Variants in TRAK1 observed in about 807,000 individuals in gnomAD.
TRAK1 encodes trafficking kinesin protein 1.
In TRAK1, 33 loss-of-function variants were observed where a neutral mutation model predicts 92.1. The ratio of observed to expected loss-of-function variants is 0.36; its 90% CI spans 0.27 to 0.48. TRAK1 has a LOEUF of 0.48. Among genes scored for constraint, TRAK1 ranks in the 20% least tolerant of loss-of-function variants. The pLI, the probability that TRAK1 is intolerant of heterozygous loss-of-function variation, is 0.99. For missense variants in TRAK1, 1,123 were observed against 1,257.9 expected (o/e 0.89, Z 1.62); for synonymous variants, 521 against 517.3 (o/e 1.01, Z -0.10).
chr3:42,150,493 T>C (rs1281635216), intron 2 of TRAK1, among the ~76,000 whole-genome samples: 1 of 152,072 alleles, frequency 6.6e-6, no homozygotes, highest in Non-Finnish European at 1.5e-5. Flanking sequence ...TATATACACT[T>C]TGAGGGTCTG....
At chr3:42,076,369 G>C (rs531106815) in intron 1 of TRAK1, among the ~76,000 whole-genome samples, 1 of 151,306 alleles carries the variant, frequency 6.6e-6, no homozygotes, top group South Asian at 2.1e-4. Flanking sequence ...GGGTTTACAG[G>C]TGCTCGCCAC....
At chr3:42,116,176 C>A (rs1390918061) in intron 1 of TRAK1, among the ~76,000 whole-genome samples, 1 of 152,260 alleles carries the variant, frequency 6.6e-6, no homozygotes, top group Non-Finnish European at 1.5e-5. Flanking sequence ...AGGCCTCTTG[C>A]ATGGTGGGAC....
intron 2 of TRAK1, among the ~76,000 whole-genome samples, chr3:42,144,211 G>A (rs34873715): frequency 0.095 from 14,468 of 151,670 alleles, 891 homozygotes; most frequent in Non-Finnish European, 0.14. Context: ...TTCCCTAATT[G>A]TAGCTTAGGA....
rs768056070 is a variant in TRAK1 at position 42,223,590 on chromosome 3, C to T, written c.2715C>T (p.Ile905=). ...PLRCPTVTSA[I]GGLQLNSGIR... is the part of the protein sequence containing the mutation. ...GATGCCCCACTGTCACCAGTGCCAT[C>T]GGTGGGCTGCAGCTCAATAGTGGCA... Residue 905 remains isoleucine, a synonymous_variant, in exon 16 of 16, where the codon ATC becomes ATT. Transcript: ENST00000327628. This position sits in a 1 kb window ranked among gnomAD's most constrained non-coding sequence, Gnocchi z 6.1. 40 of 1,613,828 alleles carry T rather than the reference C, an allele frequency of 2.5e-5. No individual in the cohort carries two copies. The highest frequency in any genetic ancestry group is 5.0e-5 in the Admixed American group (3 of 59,990).
At chr3:42,134,281 T>C (rs1241561204) in intron 2 of TRAK1, among the ~76,000 whole-genome samples, 3 of 147,352 alleles carry the variant, frequency 2.0e-5, no homozygotes, top group Admixed American at 6.8e-5. Flanking sequence ...CCTTTCCTTT[T>C]ACCTTACCTT....
At chr3:42,052,587 A>G (rs1284353263) in intron 1 of TRAK1, among the ~76,000 whole-genome samples, 2 of 152,182 alleles carry the variant, frequency 1.3e-5, no homozygotes, top group Non-Finnish European at 2.9e-5. Flanking sequence ...AGCAAAAAGC[A>G]TGATTCAGTC....
chr3:42,124,522 C>T (rs1710308795), intron 1 of TRAK1, among the ~76,000 whole-genome samples: 1 of 152,170 alleles, frequency 6.6e-6, no homozygotes, highest in African/African-American at 2.4e-5. Context: ...ATTTTAAAGG[C>T]CTGCATTAAT....
intron 2 of TRAK1, among the ~76,000 whole-genome samples, chr3:42,142,987 C>T (rs1197542857): frequency 6.6e-6 from 1 of 152,164 alleles, no homozygotes; most frequent in Admixed American, 6.5e-5. Flanking sequence ...GCAGGTCCCT[C>T]TTGATTTTTC....
intron 1 of TRAK1, among the ~76,000 whole-genome samples, chr3:42,025,128 C>T (rs534145328): frequency 1.6e-4 from 25 of 152,184 alleles, no homozygotes; most frequent in Non-Finnish European, 2.1e-4. Flanking sequence ...AAAAACCTAA[C>T]TTCTTTGTTT....
rs143179424 is a variant in TRAK1, at chr3:42,201,684, G to A, written c.1427+630G>A. Among the ~76,000 whole-genome samples, 800 of 151,694 alleles carry A rather than the reference G, an allele frequency of 5.3e-3. 6 individuals are homozygous for A. Among genetic ancestry groups the A allele is most frequent in the African/African-American group, 0.018 (759 of 41,316 alleles). On this transcript the variant is annotated intron_variant, in intron 12 of 15. Coordinates refer to ENST00000327628, the MANE Select transcript of TRAK1 (RefSeq NM_001042646.3). The stretch of plus-strand genomic sequence containing the variant: ...CAGAATAGACATTTGTTTTGTGACC[G>A]TTTTGTAGCTTGATGTTGGAAAGGC...
chr3:42,056,084 T>C (rs1703194928), intron 1 of TRAK1, among the ~76,000 whole-genome samples: 1 of 152,244 alleles, frequency 6.6e-6, no homozygotes, highest in Admixed American at 6.5e-5. Flanking sequence ...CTTTCATTAG[T>C]TGGTAAACTT....
chr3:42,073,718 A>G (rs529139525), intron 1 of TRAK1, among the ~76,000 whole-genome samples: 2 of 152,238 alleles, frequency 1.3e-5, no homozygotes, highest in South Asian at 4.1e-4. Context: ...CCACCTGTTC[A>G]ACTTTTACAT....
At chr3:42,191,132 G>A (rs574227728) in intron 6 of TRAK1, among the ~76,000 whole-genome samples, 50 of 152,148 alleles carry the variant, frequency 3.3e-4, no homozygotes, top group Non-Finnish European at 5.4e-4. Context: ...CACATAGTAA[G>A]TGTTAGCCAT....
intron 1 of TRAK1, among the ~76,000 whole-genome samples, chr3:42,092,097 C>T (rs1479178044): frequency 6.6e-6 from 1 of 152,162 alleles, no homozygotes; most frequent in African/African-American, 2.4e-5. Context: ...TTCCACCCTC[C>T]CTTTCTTTTT....
At chr3:42,033,052 C>T (rs1179783632) in intron 1 of TRAK1, among the ~76,000 whole-genome samples, 6 of 152,146 alleles carry the variant, frequency 3.9e-5, no homozygotes, top group African/African-American at 9.7e-5. Context: ...ACCAATATTT[C>T]GATGTGTTTG....
upstream of TRAK1, among the ~76,000 whole-genome samples, chr3:42,087,736 C>T (rs570906149): frequency 9.0e-4 from 137 of 152,348 alleles, no homozygotes; most frequent in African/African-American, 3.1e-3. Flanking sequence ...TTGAACCCTT[C>T]CTTCTCTCTT....
intron 1 of TRAK1, among the ~76,000 whole-genome samples, chr3:42,116,944 G>T (rs1487826273): frequency 6.6e-6 from 1 of 152,204 alleles, no homozygotes; most frequent in Non-Finnish European, 1.5e-5. Flanking sequence ...GTGGCGCCAG[G>T]ATGGAAGTCC....
At position 42,202,494 on chromosome 3, in the gene TRAK1, G is replaced by A. The variant is rs747310024; in HGVS notation, c.1486G>A (p.Glu496Lys). The change falls in exon 13 of 16, where the codon GAG becomes AAG. Residue 496 changes from glutamate (E) to lysine (K), a missense_variant. This residue lies in a region of TRAK1 where 686 missense variants were observed against 747.6 expected (regional missense o/e 0.92). Transcript: ENST00000327628. The surrounding 1 kb of genome is among the most constrained non-coding windows in gnomAD (Gnocchi z 6.1). ...TPGTPGSHDL[E>K]TALRRLSLRR... ...GGGCACCCCAGGCTCCCACGACCTG[G>A]AGACGGCGCTGAGGCGGCTGTCCCT... 16 of 1,506,654 alleles carry A rather than the reference G, an allele frequency of 1.1e-5. No homozygotes were observed. In the East Asian group the frequency reaches 3.5e-4, roughly 33 times the overall value. The allele number at this position is 1,506,654 out of a possible 1,614,324, so 93.3% of individuals were successfully genotyped here.
intron 10 of TRAK1, among the ~76,000 whole-genome samples, chr3:42,196,203 A>G (rs1706597642): frequency 1.3e-5 from 2 of 152,330 alleles, no homozygotes; most frequent in African/African-American, 2.4e-5. Context: ...TTTAAAGTGT[A>G]TTATGCATTA....
Sources: gnomAD v4.1 joint callset for allele counts (sites outside exome capture counted in the v4.1 genomes callset) on GRCh38, gnomAD v4.1.1 for gene constraint, gnomAD v4.1.1 regional missense constraint, Gnocchi (gnomAD v3.1) non-coding constraint, MANE v1.5 for transcripts, NCBI Gene and HGNC (gene_info 2026-07-23, HGNC 2026-07-21) for gene names.